Variants in PRRC1 observed in about 807,000 individuals in gnomAD.
PRRC1 encodes protein PRRC1.
PRRC1 carries 39 observed loss-of-function variants against 40.7 expected under a neutral mutation model. That is an observed-to-expected ratio of 0.96 (90% CI 0.74 to 1.25). The LOEUF (loss-of-function observed/expected upper bound fraction) is 1.25. Ranked by LOEUF, PRRC1 falls within the 50% of genes most tolerant of loss-of-function variation. PRRC1 has a pLI of 0.00. For missense variants in PRRC1, 573 were observed against 548.3 expected (o/e 1.05, Z -0.45); for synonymous variants, 175 against 193.3 (o/e 0.91, Z 0.79).
chr5:127,554,128 G>C lies in PRRC1; in HGVS notation c.*2212G>C. 1 of 401,576 alleles carries C rather than the reference G, an allele frequency of 2.5e-6. No individual in the cohort carries two copies. Among genetic ancestry groups the C allele is most frequent in the East Asian group, 4.7e-5 (1 of 21,278 alleles). 24.9% of individuals were successfully genotyped at this position (401,576 alleles called of 1,614,324 possible). A position where few individuals can be genotyped will look rare whatever the true frequency, so the allele number is the denominator to read the frequency against. On this transcript the variant is annotated 3_prime_UTR_variant, in exon 9 of 9. Transcript: ENST00000296666. ...TAACTCATCATCTCTAACACACCATGGCAGCTTAGCCAGGTAGTCTTAGTG... is the reference window on the plus strand; with the variant it reads ...TAACTCATCATCTCTAACACACCATCGCAGCTTAGCCAGGTAGTCTTAGTG...
At chr5:127,531,527 G>A (rs907609150) in intron 5 of PRRC1, among the ~76,000 whole-genome samples, 1 of 151,870 alleles carries the variant, frequency 6.6e-6, no homozygotes, top group Non-Finnish European at 1.5e-5. Flanking sequence ...TGTTTTAATG[G>A]CTGTACTATG....
In PRRC1 at chr5:127,524,767, A is replaced by T. The variant is rs374637146; in HGVS notation, c.340A>T (p.Thr114Ser). Residue 114 changes from threonine (T) to serine (S), a missense_variant, in exon 3 of 9, where the codon ACT becomes TCT. Thr to Ser is a moderately conservative substitution (Grantham distance 58). Coordinates refer to ENST00000296666, the MANE Select transcript of PRRC1 (RefSeq NM_130809.5). ...NPPVSHFPPS[T>S]SAPNTLLPAP... ...TCCTGTATCTCACTTCCCACCTTCAACTTCTGCCCCAAACACTCTTTTACC... is the reference window on the plus strand; with the variant it reads ...TCCTGTATCTCACTTCCCACCTTCATCTTCTGCCCCAAACACTCTTTTACC... 3.1e-6 allele frequency: 5 copies of T among 1,613,766 alleles called. No homozygotes were observed. The highest frequency in any genetic ancestry group is 1.7e-5 in the Admixed American group (1 of 59,992).
At chr5:127,530,545 C>A in intron 5 of PRRC1, 149 bp downstream of exon 5, 2 of 490,406 alleles carry the variant, frequency 4.1e-6, no homozygotes, top group Non-Finnish European at 7.0e-6. Flanking sequence ...AATTGTCAGT[C>A]TTATTTTTTG....
At chr5:127,540,580 CA>C (rs1339940865) in intron 7 of PRRC1, among the ~76,000 whole-genome samples, 1 of 152,060 alleles carries the variant, frequency 6.6e-6, no homozygotes, top group Non-Finnish European at 1.5e-5. Flanking sequence ...CCAATTCTCT[CA>C]GCTTTTGTTT....
chr5:127,529,870 T>C (rs1201114946), intron 4 of PRRC1, among the ~76,000 whole-genome samples: 1 of 152,164 alleles, frequency 6.6e-6, no homozygotes, highest in Non-Finnish European at 1.5e-5. Flanking sequence ...TTTACTCTTT[T>C]TATTTTTTTT....
rs1768430241 is a variant in PRRC1, at chr5:127,552,924, ATT to A, written c.*1011_*1012del. On this transcript the variant is annotated 3_prime_UTR_variant, in exon 9 of 9. Transcript: ENST00000296666. Reference sequence around the variant, plus strand: ...TTTTATGGATGTTTTCAAAGAAACTATTTTATATTCAATCTAGTTTATTTAGT... The same window carrying A: ...TTTTATGGATGTTTTCAAAGAAACTATTATATTCAATCTAGTTTATTTAGT... The A allele has an allele frequency of 1.1e-6, 1 of 912,940 alleles. No individual in the cohort carries two copies. Among genetic ancestry groups the A allele is most frequent in the African/African-American group, 1.8e-5 (1 of 55,614 alleles). 56.6% of individuals were successfully genotyped at this position (912,940 alleles called of 1,614,324 possible). A position where few individuals can be genotyped will look rare whatever the true frequency, so the allele number is the denominator to read the frequency against.
intron 4 of PRRC1, among the ~76,000 whole-genome samples, chr5:127,527,395 C>G (rs1767646043): frequency 6.6e-6 from 1 of 151,864 alleles, no homozygotes; most frequent in South Asian, 2.1e-4. Context: ...ATACATTGTT[C>G]CTAACTATAG....
intron 1 of PRRC1, among the ~76,000 whole-genome samples, chr5:127,520,889 G>T (rs769004291): frequency 2.0e-5 from 3 of 152,192 alleles, no homozygotes; most frequent in Non-Finnish European, 2.9e-5. Context: ...GTGTAGTTAT[G>T]TAAGATGCTG....
intron 4 of PRRC1, 42 bp downstream of exon 4, chr5:127,526,820 AAACTAATAG>A (rs1211221065): frequency 1.4e-6 from 2 of 1,417,330 alleles, no homozygotes; most frequent in African/African-American, 2.9e-5. Context: ...TCTAATTATA[AAACTAATAG>A]ATATTCATTA....
Position 127,524,909 on chromosome 5 carries a change from C to T in PRRC1, c.482C>T (p.Pro161Leu). ...QTPLMPSFSA[P>L]SGTGLLPTPI... ...CCCCTGATGCCATCATTTTCTGCAC[C>T]TTCAGGAACAGGTAATTCTTTCTGA... is the stretch of plus-strand genomic sequence containing the variant. Residue 161 changes from proline (P) to leucine (L), a missense_variant, in exon 3 of 9, where the codon CCT becomes CTT. Physicochemically the swap from Pro to Leu is moderately conservative, Grantham distance 98. Transcript: ENST00000296666. 4 of 1,597,374 alleles carry T rather than the reference C, an allele frequency of 2.5e-6. No homozygotes were observed. The highest frequency in any genetic ancestry group is 2.2e-5 in the East Asian group (1 of 44,628).
At position 127,551,944 on chromosome 5, in the gene PRRC1, T is replaced by A. The variant is rs778465823; in HGVS notation, c.*28T>A. 3.1e-6 allele frequency: 5 copies of A among 1,612,676 alleles called. No individual in the cohort carries two copies. Among genetic ancestry groups the A allele is most frequent in the Non-Finnish European group, 4.2e-6 (5 of 1,179,114 alleles). The stretch of plus-strand genomic sequence containing the variant: ...GGAGACCTACCTGGGAGACTGAGAC[T>A]TTCCCCCACTTTTAGCTTGATGTTA... On this transcript the variant is annotated 3_prime_UTR_variant, in exon 9 of 9. Transcript: ENST00000296666.
rs1184107644 is a variant in PRRC1, at chr5:127,542,775, C to T, written c.1025+3632C>T. Among the ~76,000 whole-genome samples, 46 of 149,700 alleles carry T rather than the reference C, an allele frequency of 3.1e-4. No homozygotes were observed. The East Asian group carries it at 6.5e-3, about 21-fold the overall frequency. On this transcript the variant is annotated intron_variant, in intron 7 of 8. Transcript: ENST00000296666. ...TTTTGAGCCTATGTGTGTCTCTGCA[C>T]GTGAGATGGGTTTCCTGAATACAGC...
At position 127,553,849 on chromosome 5, in the gene PRRC1, G is replaced by T. The variant is rs1011935737; in HGVS notation, c.*1933G>T. The T allele has an allele frequency of 6.5e-6, 10 of 1,535,788 alleles. No individual in the cohort carries two copies. The South Asian group carries it at 1.1e-4, about 16-fold the overall frequency. On this transcript the variant is annotated 3_prime_UTR_variant, in exon 9 of 9. Coordinates refer to ENST00000296666, the MANE Select transcript of PRRC1 (RefSeq NM_130809.5). ...AGCAGTGGCAGTCCATGGCTTGGTT[G>T]AAGCTAGAAATTTTCCTGCCCCTGG...
chr5:127,544,052 G>A (rs1208039806), intron 7 of PRRC1, among the ~76,000 whole-genome samples: 1 of 151,988 alleles, frequency 6.6e-6, no homozygotes, highest in Non-Finnish European at 1.5e-5. Context: ...TGGGTTTTTG[G>A]TGTGGATGTC....
chr5:127,549,062 G>A (rs1035000230), intron 8 of PRRC1: 4 of 148,744 alleles, frequency 2.7e-5, no homozygotes, highest in African/African-American at 5.2e-5. Flanking sequence ...ACCAAATGAC[G>A]TTGTTGCCTT....
intron 4 of PRRC1, among the ~76,000 whole-genome samples, chr5:127,529,147 G>C (rs994247342): frequency 5.3e-5 from 8 of 151,334 alleles, no homozygotes; most frequent in Non-Finnish European, 1.2e-4. Context: ...AATTTTTTTT[G>C]CAATGAATTT....
At chr5:127,544,156 T>A (rs1298598472) in intron 7 of PRRC1, among the ~76,000 whole-genome samples, 1 of 152,224 alleles carries the variant, frequency 6.6e-6, no homozygotes, top group Non-Finnish European at 1.5e-5. Context: ...CCTGTTTGCC[T>A]GGGTATCAGC....
In PRRC1 at chr5:127,553,096, G is replaced by A. The variant is rs1768436270; in HGVS notation, c.*1180G>A. 1.1e-6 allele frequency: 1 copy of A among 880,922 alleles called. No individual in the cohort carries two copies. The allele number at this position is 880,922 out of a possible 1,614,324, so 54.6% of individuals were successfully genotyped here. A position where few individuals can be genotyped will look rare whatever the true frequency, so the allele number is the denominator to read the frequency against. On this transcript the variant is annotated 3_prime_UTR_variant, in exon 9 of 9. Coordinates refer to ENST00000296666, the MANE Select transcript of PRRC1 (RefSeq NM_130809.5). ...TACAAGTTCAAATAACTTTTTCGAA[G>A]ATAGTTTCTTATATAAATGTAATTT...
chr5:127,524,538 C>T lies in PRRC1; in HGVS notation c.111C>T (p.Thr37=), dbSNP rs1767549375. 2 of 1,593,484 alleles carry T rather than the reference C, an allele frequency of 1.3e-6. No homozygotes were observed. Among genetic ancestry groups the T allele is most frequent in the East Asian group, 2.2e-5 (1 of 44,530 alleles). The change falls in exon 3 of 9, where the codon ACC becomes ACT. Residue 37 remains threonine (T), a synonymous_variant. Transcript: ENST00000296666. Reference sequence around the variant, plus strand: ...CTCTCCACTTTTTTCTAGCGGCAACCAGTTCTTTTTCTTCTCCAAATGTAT... The same window carrying T: ...CTCTCCACTTTTTTCTAGCGGCAACTAGTTCTTTTTCTTCTCCAAATGTAT... ...MSSTPVPLAA[T]SSFSSPNVSS...
Sources: allele counts gnomAD v4.1 joint callset (sites outside exome capture counted in the v4.1 genomes callset), GRCh38; gene constraint gnomAD v4.1.1; transcripts MANE v1.5; gene names NCBI Gene and HGNC (gene_info 2026-07-23, HGNC 2026-07-21).